Variants in PILRA observed in about 807,000 individuals in gnomAD.
PILRA encodes paired immunoglobulin-like type 2 receptor alpha.
Under a neutral mutation model 33.1 loss-of-function variants are expected in PILRA, and 37 were observed. The ratio of observed to expected loss-of-function variants is 1.12; its 90% CI spans 0.86 to 1.47. PILRA has a LOEUF of 1.47. Ranked by LOEUF, PILRA falls within the 40% of genes most tolerant of loss-of-function variation. The pLI is 0.00. For missense variants in PILRA, 312 were observed against 376.2 expected, an observed-to-expected ratio of 0.83 and a Z score of 1.41; for synonymous variants, 146 against 149.9, an observed-to-expected ratio of 0.97 and a Z score of 0.19.
intron 2 of PILRA, among the ~76,000 whole-genome samples, chr7:100,376,761 C>CTTTTTTTT (rs34944697): frequency 5.3e-5 from 4 of 75,040 alleles, no homozygotes; most frequent in South Asian, 4.5e-4. Flanking sequence ...CTTGCTCTGC[C>CTTTTTTTT]TTTTTTTTTT....
At chr7:100,372,777 A>C (rs1345211472), upstream of PILRA, among the ~76,000 whole-genome samples, 1 of 152,132 alleles carries the variant, frequency 6.6e-6, no homozygotes, top group Admixed American at 6.5e-5. Context: ...CCAGGCCCAG[A>C]CATCTGGGTT....
Position 100,387,362 on chromosome 7 carries a change from C to T in PILRA, c.455-2526C>T, listed in dbSNP as rs545240759. On this transcript the variant is annotated intron_variant, in intron 2 of 6. Coordinates refer to ENST00000198536, the MANE Select transcript of PILRA (RefSeq NM_013439.3). The stretch of plus-strand genomic sequence containing the variant: ...CCAAGTAGCTGGGATTACAGGCACC[C>T]GCCACCACACCCAGCTAATTTTTGT... 2.6e-5 allele frequency among the ~76,000 whole-genome samples: 4 copies of T among 152,124 alleles called. No homozygotes were observed. The South Asian group carries it at 8.3e-4, about 32-fold the overall frequency.
rs552896520 is a variant in PILRA, at chr7:100,397,001, G to A, written c.674-878G>A. 7.3e-5 allele frequency among the ~76,000 whole-genome samples: 11 copies of A among 150,110 alleles called. No homozygotes were observed. In the South Asian group the frequency reaches 1.9e-3, roughly 26 times the overall value. On this transcript the variant is annotated intron_variant, in intron 3 of 6. Coordinates refer to ENST00000198536, the MANE Select transcript of PILRA (RefSeq NM_013439.3). ...TTTGTTTTTTTGTTTTTTTTTTACC[G>A]TAAGTAAAATAAAACATAACCTAAA...
intron 2 of PILRA, 23 bp from the exon 3 acceptor site, chr7:100,389,865 G>A (rs775596086): frequency 1.2e-5 from 19 of 1,603,574 alleles, no homozygotes; most frequent in Non-Finnish European, 1.7e-6. Context: ...GGGAGGGTCT[G>A]CTCATTCCTC....
chr7:100,399,936 G>A lies in PILRA; in HGVS notation c.*29G>A. ...ATGGACAGCCCTCTCAAGACTGAAT[G>A]GTGAGGCCAGGTACAGTGGCGCACA... is the stretch of plus-strand genomic sequence containing the variant. On this transcript the variant is annotated 3_prime_UTR_variant, in exon 7 of 7. Transcript: ENST00000198536. The A allele has an allele frequency of 6.4e-7, 1 of 1,567,530 alleles. No homozygotes were observed. Among genetic ancestry groups the A allele is most frequent in the African/African-American group, 1.4e-5 (1 of 73,464 alleles).
At chr7:100,371,389 G>A (rs1790808785), upstream of PILRA, among the ~76,000 whole-genome samples, 1 of 152,152 alleles carries the variant, frequency 6.6e-6, no homozygotes, top group Non-Finnish European at 1.5e-5. Flanking sequence ...ATTACTGTGA[G>A]AATATTACAG....
intron 2 of PILRA, among the ~76,000 whole-genome samples, chr7:100,380,762 C>G (rs987188696): frequency 6.6e-5 from 10 of 152,110 alleles, no homozygotes; most frequent in Admixed American, 5.2e-4. Context: ...AGTCAGAAGT[C>G]GAGACCAGCC....
intron 2 of PILRA, among the ~76,000 whole-genome samples, chr7:100,382,108 G>A (rs1329088864): frequency 2.0e-5 from 3 of 151,746 alleles, no homozygotes; most frequent in Non-Finnish European, 2.9e-5. Context: ...CCCAAGGGCC[G>A]AGGAGTGCGG....
chr7:100,381,664 G>T (rs1791098366), intron 2 of PILRA, among the ~76,000 whole-genome samples: 1 of 152,226 alleles, frequency 6.6e-6, no homozygotes, highest in Non-Finnish European at 1.5e-5. Context: ...GCTGCACAGT[G>T]GGAGCCCCTT....
intron 2 of PILRA, among the ~76,000 whole-genome samples, chr7:100,384,212 A>G (rs1791197216): frequency 6.6e-6 from 1 of 151,948 alleles, no homozygotes; most frequent in Admixed American, 6.6e-5. Flanking sequence ...ATTGCCATTT[A>G]CTGAGTGGGG....
chr7:100,371,525 G>A (rs1790811822), upstream of PILRA, among the ~76,000 whole-genome samples: 1 of 152,136 alleles, frequency 6.6e-6, no homozygotes, highest in Non-Finnish European at 1.5e-5. Flanking sequence ...AGGACAGTAG[G>A]ATACTTGTTG....
intron 2 of PILRA, among the ~76,000 whole-genome samples, chr7:100,380,132 G>T (rs912819625): frequency 5.3e-5 from 8 of 152,140 alleles, no homozygotes; most frequent in Non-Finnish European, 7.3e-5. Context: ...GAGGGCCTCT[G>T]GGGGAGCACC....
At chr7:100,389,566 GA>G (rs1365289263) in intron 2 of PILRA, among the ~76,000 whole-genome samples, 1 of 138,508 alleles carries the variant, frequency 7.2e-6, no homozygotes, top group Non-Finnish European at 1.5e-5. Flanking sequence ...TGAGGAGGAA[GA>G]AATAAAATTA....
rs910134455 is a variant in PILRA, at chr7:100,390,103, A to C, written c.670A>C (p.Lys224Gln). 3.1e-6 allele frequency: 5 copies of C among 1,613,504 alleles called. No homozygotes were observed. In the African/African-American group the frequency reaches 6.7e-5, roughly 22 times the overall value. ...LICLLRWRRR[K>Q]GQQRTKATTP... ...CTGCCTCCTCAGGTGGAGGAGAAGG[A>C]AAGGTAAGTGCCCAGGACCCGCCCT... Residue 224 changes from lysine to glutamine, a missense_variant, in exon 3 of 7, where the codon AAA becomes CAA. Lys to Gln is a moderately conservative substitution (Grantham distance 53, BLOSUM62 1). Transcript: ENST00000198536.
chr7:100,376,920 C>T (rs1790963059), intron 2 of PILRA, among the ~76,000 whole-genome samples: 1 of 151,720 alleles, frequency 6.6e-6, no homozygotes, highest in African/African-American at 2.4e-5. Context: ...CACCACCACA[C>T]CTGGCTAATA....
chr7:100,390,323 C>A (rs1415494517), intron 3 of PILRA, among the ~76,000 whole-genome samples: 1 of 152,174 alleles, frequency 6.6e-6, no homozygotes, highest in Admixed American at 6.5e-5. Flanking sequence ...GCCCTTTTCA[C>A]ACAGCCGATC....
intron 3 of PILRA, among the ~76,000 whole-genome samples, chr7:100,396,307 T>C (rs1055071649): frequency 2.0e-5 from 3 of 152,098 alleles, no homozygotes; most frequent in African/African-American, 4.8e-5. Context: ...AATGAATGAA[T>C]GGATGAACAA....
intron 2 of PILRA, among the ~76,000 whole-genome samples, chr7:100,380,502 A>G (rs1283221935): frequency 6.6e-6 from 1 of 152,178 alleles, no homozygotes; most frequent in East Asian, 1.9e-4. Flanking sequence ...AAAATAAAAA[A>G]TTCCATTAAA....
At chr7:100,371,674 T>G (rs1790816997), upstream of PILRA, among the ~76,000 whole-genome samples, 2 of 152,212 alleles carry the variant, frequency 1.3e-5, no homozygotes. Flanking sequence ...ATTTAGGCTC[T>G]GCCCACATTG....
Sources: allele counts gnomAD v4.1 joint callset (sites outside exome capture counted in the v4.1 genomes callset), GRCh38; gene constraint gnomAD v4.1.1; transcripts MANE v1.5; gene names NCBI Gene and HGNC (gene_info 2026-07-23, HGNC 2026-07-21).